Variants in RHOU observed in about 807,000 individuals in gnomAD.
RHOU encodes ras homolog family member U, also known as rho-related GTP-binding protein RhoU.
A neutral mutation model predicts 12.6 loss-of-function variants in RHOU; 8 were observed. The ratio of observed to expected loss-of-function variants is 0.64; its 90% confidence interval spans 0.37 to 1.15. The LOEUF (loss-of-function observed/expected upper bound fraction) is 1.15, where lower values mean the gene tolerates loss of function less well. Among genes scored for constraint, RHOU ranks in the 50% most tolerant of loss-of-function variants. The pLI is 0.01. For synonymous variants in RHOU, 161 were observed against 147.4 expected (o/e 1.09, Z -0.67); for missense variants, 258 against 347.0 (o/e 0.74, Z 2.04).
chr1:228,687,443 T>A, the RHOU span: 3 of 1,481,102 alleles, frequency 2.0e-6, no homozygotes, highest in Admixed American at 1.7e-5. Flanking sequence ...CCAAATACTT[T>A]CTTCACCAAT....
the RHOU span, among the ~76,000 whole-genome samples, chr1:228,660,351 A>C: frequency 6.6e-6 from 1 of 151,284 alleles, no homozygotes. Flanking sequence ...TGACCGAAAA[A>C]AATAAAAAAA....
In RHOU at chr1:228,735,760, G is replaced by A. The variant is rs1303084909; in HGVS notation, c.18G>A (p.Gly6=). MPPQQ[G]DPAFPDRCEA... Reference sequence around the variant, plus strand: ...GCGGATCGATGCCCCCGCAGCAGGGGGACCCCGCGTTCCCCGACCGCTGCG... The same window carrying A: ...GCGGATCGATGCCCCCGCAGCAGGGAGACCCCGCGTTCCCCGACCGCTGCG... Residue 6 remains glycine, a synonymous_variant, in exon 1 of 3, where the codon GGG becomes GGA. Coordinates refer to ENST00000366691, the MANE Select transcript of RHOU (RefSeq NM_021205.6). This position sits in a 1 kb window ranked among gnomAD's most constrained non-coding sequence, Gnocchi z 8.1. 9 of 1,209,392 alleles carry A rather than the reference G, an allele frequency of 7.4e-6. No individual in the cohort carries two copies. Among genetic ancestry groups the A allele is most frequent in the African/African-American group, 1.6e-5 (1 of 63,268 alleles). 74.9% of individuals were successfully genotyped at this position (1,209,392 alleles called of 1,614,324 possible). A position where few individuals can be genotyped will look rare whatever the true frequency, so the allele number is the denominator to read the frequency against.
At chr1:228,697,616 C>T in the RHOU span, among the ~76,000 whole-genome samples, 1 of 152,318 alleles carries the variant, frequency 6.6e-6, no homozygotes, top group South Asian at 2.1e-4. Flanking sequence ...ATCCAGAGGG[C>T]ATCCCCTTCT....
the RHOU span, chr1:228,650,277 C>T: frequency 4.3e-6 from 2 of 463,128 alleles, no homozygotes; most frequent in Admixed American, 4.7e-5. Context: ...CGCCAGTGTG[C>T]AAGATGCTCC....
chr1:228,726,133 C>T, the RHOU span, among the ~76,000 whole-genome samples: 15 of 152,300 alleles, frequency 9.8e-5, no homozygotes, highest in Non-Finnish European at 1.6e-4. Context: ...TTTCTCCCCT[C>T]TCCTAATATA....
the RHOU span, chr1:228,650,344 A>G: frequency 2.2e-6 from 1 of 462,646 alleles, no homozygotes; most frequent in Non-Finnish European, 4.3e-6. Context: ...CCTGGCCTTT[A>G]CCGCCTTGAG....
the RHOU span, among the ~76,000 whole-genome samples, chr1:228,697,775 A>G: frequency 3.3e-5 from 5 of 152,216 alleles, no homozygotes; most frequent in Non-Finnish European, 7.3e-5. Context: ...CAGGGACAGT[A>G]AAACCACCAA....
chr1:228,703,951 A>C, the RHOU span, among the ~76,000 whole-genome samples: 1 of 152,150 alleles, frequency 6.6e-6, no homozygotes, highest in Non-Finnish European at 1.5e-5. Context: ...TACCTCCCTC[A>C]CAATTTGCCC....
At chr1:228,708,488 A>T in the RHOU span, among the ~76,000 whole-genome samples, 8 of 151,760 alleles carry the variant, frequency 5.3e-5, no homozygotes, top group African/African-American at 1.7e-4. Context: ...GCCAGAAGAG[A>T]GTGGGGGCCA....
the RHOU span, among the ~76,000 whole-genome samples, chr1:228,727,715 AG>A: frequency 1.3e-5 from 2 of 152,170 alleles, no homozygotes; most frequent in African/African-American, 4.8e-5. Context: ...GAGCTAGAAA[AG>A]GGAGAGGGCT....
upstream of RHOU, chr1:228,734,998 CTG>C (rs1454981448): frequency 1.3e-5 from 2 of 152,238 alleles, no homozygotes; most frequent in Non-Finnish European, 2.9e-5. Context: ...AAAAAGCTGT[CTG>C]TTAATTCAAT....
At chr1:228,724,193 A>C in the RHOU span, among the ~76,000 whole-genome samples, 1 of 152,224 alleles carries the variant, frequency 6.6e-6, no homozygotes, top group Non-Finnish European at 1.5e-5. Context: ...GGTGCTTAAT[A>C]AATATTTGCT....
chr1:228,701,157 G>GCA, the RHOU span, among the ~76,000 whole-genome samples: 3 of 152,134 alleles, frequency 2.0e-5, no homozygotes, highest in Non-Finnish European at 4.4e-5. Flanking sequence ...GCCCTCTGTA[G>GCA]CATCCCAAAT....
At chr1:228,687,350 C>T in the RHOU span, 8 of 776,186 alleles carry the variant, frequency 1.0e-5, no homozygotes, top group Non-Finnish European at 1.6e-5. Context: ...TACAAATCAA[C>T]GAACTTAAGT....
the RHOU span, among the ~76,000 whole-genome samples, chr1:228,688,583 C>G: frequency 2.6e-5 from 4 of 152,194 alleles, no homozygotes; most frequent in Non-Finnish European, 4.4e-5. Flanking sequence ...GGGAATCGTG[C>G]CTTTCCTGCA....
chr1:228,727,021 T>C, the RHOU span, among the ~76,000 whole-genome samples: 1 of 152,230 alleles, frequency 6.6e-6, no homozygotes, highest in Non-Finnish European at 1.5e-5. Flanking sequence ...CACCATACAC[T>C]GTCTTGCATT....
At chr1:228,663,625 C>CTTTTTTTTTTTTTTTTT in the RHOU span, among the ~76,000 whole-genome samples, 11 of 58,764 alleles carry the variant, frequency 1.9e-4, no homozygotes, top group South Asian at 6.5e-4. Context: ...CTTTTCTTTT[C>CTTTTTTTTTTTTTTTTT]TTTTTTTTTT....
the RHOU span, among the ~76,000 whole-genome samples, chr1:228,713,050 G>T: frequency 2.0e-5 from 3 of 151,390 alleles, no homozygotes; most frequent in Admixed American, 1.3e-4. Flanking sequence ...ATATTTTAAG[G>T]TACATATTTG....
chr1:228,688,929 C>G, the RHOU span, among the ~76,000 whole-genome samples: 3 of 152,136 alleles, frequency 2.0e-5, no homozygotes, highest in African/African-American at 7.2e-5. Context: ...AAATATAAAG[C>G]TACATATGGG....
Sources: gnomAD v4.1 joint callset for allele counts (sites outside exome capture counted in the v4.1 genomes callset) on GRCh38, gnomAD v4.1.1 for gene constraint, Gnocchi (gnomAD v3.1) non-coding constraint, MANE v1.5 for transcripts, NCBI Gene and HGNC (gene_info 2026-07-23, HGNC 2026-07-21) for gene names.